MINK1: variants seen among roughly 807,000 people sequenced by gnomAD.
The protein encoded by MINK1 is misshapen-like kinase 1.
In MINK1, 46 loss-of-function variants were observed where a neutral mutation model predicts 178.4. The ratio of observed to expected loss-of-function variants is 0.26; its 90% CI spans 0.20 to 0.33. MINK1 has a LOEUF of 0.33. Ranked by LOEUF, MINK1 falls within the 10% of genes least tolerant of loss-of-function variation. The pLI, the probability that MINK1 is intolerant of heterozygous loss-of-function variation, is 1.00. For synonymous variants in MINK1, 797 were observed against 709.7 expected (o/e 1.12, Z -1.96); for missense variants, 1,366 against 1,814.9 (o/e 0.75, Z 4.49).
chr17:4,893,247 C>T (rs928314341), intron 20 of MINK1, 180 bp downstream of exon 20: 3 of 1,608,746 alleles, frequency 1.9e-6, no homozygotes, highest in Non-Finnish European at 2.5e-6. Context: ...CTCTCCTAAC[C>T]TCTCTTCTGG....
intron 2 of MINK1, among the ~76,000 whole-genome samples, chr17:4,878,606 G>A (rs1967414941): frequency 6.6e-6 from 1 of 152,150 alleles, no homozygotes; most frequent in Non-Finnish European, 1.5e-5. Flanking sequence ...GACATGGTGG[G>A]AACAGGCCAG....
intron 1 of MINK1, among the ~76,000 whole-genome samples, chr17:4,855,762 T>C (rs1597419036): frequency 4.9e-5 from 5 of 102,786 alleles, no homozygotes; most frequent in African/African-American, 1.2e-4. Flanking sequence ...AGAGCAAGAC[T>C]CCGTCTCAAA....
chr17:4,891,773 AG>A, intron 16 of MINK1, 57 bp downstream of exon 16: 1 of 1,523,600 alleles, frequency 6.6e-7, no homozygotes. Flanking sequence ...GAAGAGAAGG[AG>A]GGCAGTGAAG....
chr17:4,895,498 AG>A lies in MINK1; in HGVS notation c.3229+7del. On this transcript the variant is annotated splice_donor_region_variant and intron_variant, in intron 26 of 31. Coordinates refer to ENST00000355280, the MANE Select transcript of MINK1 (RefSeq NM_153827.5). The surrounding 1 kb of genome is among the most constrained non-coding windows in gnomAD (Gnocchi z 4.3). ...ACCTGCTCATCACCATCTCAGGTAC[AG>A]GTGTGGTGAGTGGGGGAGGGAGGAG... The A allele has an allele frequency of 4.5e-6, 7 of 1,568,568 alleles. No individual in the cohort carries two copies. Among genetic ancestry groups the A allele is most frequent in the Non-Finnish European group, 5.2e-6 (6 of 1,154,632 alleles).
Position 4,896,919 on chromosome 17 carries a change from C to T in MINK1, c.3915+106C>T, listed in dbSNP as rs867910367. 35 of 1,425,498 alleles carry T rather than the reference C, an allele frequency of 2.5e-5. No homozygotes were observed. In the Middle Eastern group the frequency reaches 8.8e-4, roughly 36 times the overall value. 88.3% of individuals were successfully genotyped at this position (1,425,498 alleles called of 1,614,324 possible). On this transcript the variant is annotated intron_variant, in intron 31 of 31. Transcript: ENST00000355280. The surrounding 1 kb of genome is among the most constrained non-coding windows in gnomAD (Gnocchi z 4.6). ...GATGGTGGTGGTGGCTTCCTGAAAG[C>T]GGGCCCCTCTGGGAGCTCAGAGGGC...
At chr17:4,889,569 T>C (rs1968559407) in intron 12 of MINK1, 78 bp from the exon 13 acceptor site, 2 of 1,209,214 alleles carry the variant, frequency 1.7e-6, no homozygotes, top group East Asian at 2.5e-5. Context: ...CAAGGAGGGC[T>C]CCCCTCCCTG....
chr17:4,874,279 T>G (rs1225918830), intron 1 of MINK1, among the ~76,000 whole-genome samples: 1 of 152,252 alleles, frequency 6.6e-6, no homozygotes, highest in African/African-American at 2.4e-5. Context: ...GAGATACGAT[T>G]GCCTTACAGG....
intron 1 of MINK1, among the ~76,000 whole-genome samples, chr17:4,848,697 A>G (rs1293497936): frequency 1.3e-5 from 2 of 150,182 alleles, no homozygotes; most frequent in Non-Finnish European, 3.0e-5. Flanking sequence ...GGGTTTTGCC[A>G]TGTTGGCTAG....
chr17:4,892,158 A>G lies in MINK1; in HGVS notation c.2011A>G (p.Arg671Gly). 6.3e-7 allele frequency: 1 copy of G among 1,598,010 alleles called. No homozygotes were observed. The highest frequency in any genetic ancestry group is 2.3e-5 in the East Asian group (1 of 43,940). The change falls in exon 17 of 32, where the codon AGG becomes GGG. Residue 671 changes from arginine (R) to glycine (G), a missense_variant. Coordinates refer to ENST00000355280, the MANE Select transcript of MINK1 (RefSeq NM_153827.5). Reference protein sequence around the residue: ...DNEAPPKVPQRTSSIATALNT... With the variant: ...DNEAPPKVPQGTSSIATALNT... ...GGACTTCTCTCCACAGGTGCCTCAGAGGACCTCATCTATCGCCACTGCCCT... is the reference window on the plus strand; with the variant it reads ...GGACTTCTCTCCACAGGTGCCTCAGGGGACCTCATCTATCGCCACTGCCCT...
intron 1 of MINK1, among the ~76,000 whole-genome samples, chr17:4,871,971 T>G (rs1915909680): frequency 6.6e-6 from 1 of 152,128 alleles, no homozygotes; most frequent in African/African-American, 2.4e-5. Context: ...CTCAGCCTCC[T>G]GAGGGAAATA....
At chr17:4,846,033 C>CAT (rs1910974296) in intron 1 of MINK1, among the ~76,000 whole-genome samples, 1 of 152,190 alleles carries the variant, frequency 6.6e-6, no homozygotes, top group African/African-American at 2.4e-5. Flanking sequence ...TCTCATTGAC[C>CAT]TTCATGGGGA....
Position 4,892,360 on chromosome 17 carries a change from C to T in MINK1, c.2088-42C>T, listed in dbSNP as rs1345314163. The T allele has an allele frequency of 4.9e-6, 7 of 1,417,564 alleles. No individual in the cohort carries two copies. In the Admixed American group the frequency reaches 6.3e-5, roughly 13 times the overall value. 87.8% of individuals were successfully genotyped at this position (1,417,564 alleles called of 1,614,324 possible). A position where few individuals can be genotyped will look rare whatever the true frequency, so the allele number is the denominator to read the frequency against. ...AAGCCCCAGCCCCATCACCTCAGCG[C>T]CCCCCCGCCGCCCCCTCGGCACCCC... On this transcript the variant is annotated intron_variant, in intron 17 of 31. Coordinates refer to ENST00000355280, the MANE Select transcript of MINK1 (RefSeq NM_153827.5).
intron 1 of MINK1, among the ~76,000 whole-genome samples, chr17:4,856,497 A>G (rs1010455848): frequency 1.3e-5 from 2 of 151,716 alleles, no homozygotes; most frequent in African/African-American, 4.8e-5. Context: ...GCTGCCGCAC[A>G]GGGCCTGGCA....
intron 5 of MINK1, 142 bp from the exon 6 acceptor site, chr17:4,884,770 T>C: frequency 1.4e-6 from 1 of 724,002 alleles, no homozygotes; most frequent in Non-Finnish European, 2.3e-6. Flanking sequence ...TCAGCTTGCT[T>C]GGGCTCCTGG....
chr17:4,880,810 G>A (rs899802201), intron 2 of MINK1, among the ~76,000 whole-genome samples, 174 bp from the exon 3 acceptor site: 2 of 151,994 alleles, frequency 1.3e-5, no homozygotes, highest in African/African-American at 2.4e-5. Context: ...TGAGGCAGGA[G>A]AATGGCGTGA....
intron 4 of MINK1, 33 bp downstream of exon 4, chr17:4,881,290 C>G: frequency 6.5e-7 from 1 of 1,533,662 alleles, no homozygotes; most frequent in Non-Finnish European, 8.7e-7. Context: ...CCTTCCCTCC[C>G]CGCAATCCCT....
Position 4,896,742 on chromosome 17 carries a change from G to A in MINK1, c.3844G>A (p.Gly1282Ser). 1 of 1,603,118 alleles carries A rather than the reference G, an allele frequency of 6.2e-7. No individual in the cohort carries two copies. The highest frequency in any genetic ancestry group is 1.1e-5 in the South Asian group (1 of 89,718). The change falls in exon 31 of 32, where the codon GGC becomes AGC. Residue 1282 changes from glycine to serine, a missense_variant. Around this residue, in one of 14 missense-constraint regions of MINK1, gnomAD observed 201 missense variants for 240.7 expected, o/e 0.84. Coordinates refer to ENST00000355280, the MANE Select transcript of MINK1 (RefSeq NM_153827.5). The surrounding 1 kb of genome is among the most constrained non-coding windows in gnomAD (Gnocchi z 4.6). ...KAIEIRSVETGHLDGVFMHKR... is the reference protein window; with the variant it reads ...KAIEIRSVETSHLDGVFMHKR... Reference sequence around the variant, plus strand: ...CATTGAGATCCGCTCTGTGGAGACGGGCCACCTCGACGGGGTCTTCATGCA... The same window carrying A: ...CATTGAGATCCGCTCTGTGGAGACGAGCCACCTCGACGGGGTCTTCATGCA...
At chr17:4,854,038 GTTTA>G (rs1455034874) in intron 1 of MINK1, among the ~76,000 whole-genome samples, 2 of 152,042 alleles carry the variant, frequency 1.3e-5, no homozygotes, top group African/African-American at 4.8e-5. Flanking sequence ...GAAGCAAACG[GTTTA>G]TTTTTTAGGT....
chr17:4,896,997 G>A lies in MINK1; in HGVS notation c.3915+184G>A, dbSNP rs1483907632. 2.0e-6 allele frequency: 2 copies of A among 986,722 alleles called. No homozygotes were observed. Among genetic ancestry groups the A allele is most frequent in the African/African-American group, 1.7e-5 (1 of 60,458 alleles). 61.1% of individuals were successfully genotyped at this position (986,722 alleles called of 1,614,324 possible). A position where few individuals can be genotyped will look rare whatever the true frequency, so the allele number is the denominator to read the frequency against. Reference sequence around the variant, plus strand: ...CCCTTCAGATTCCGAGGACTTCCCAGCTGGCCCCCAGGGGGCGAGTGGTGC... The same window carrying A: ...CCCTTCAGATTCCGAGGACTTCCCAACTGGCCCCCAGGGGGCGAGTGGTGC... On this transcript the variant is annotated intron_variant, in intron 31 of 31. Coordinates refer to ENST00000355280, the MANE Select transcript of MINK1 (RefSeq NM_153827.5). This position sits in a 1 kb window ranked among gnomAD's most constrained non-coding sequence, Gnocchi z 4.6.
Sources: gnomAD v4.1 joint callset for allele counts (sites outside exome capture counted in the v4.1 genomes callset) on GRCh38, gnomAD v4.1.1 for gene constraint, gnomAD v4.1.1 regional missense constraint, Gnocchi (gnomAD v3.1) non-coding constraint, MANE v1.5 for transcripts, NCBI Gene and HGNC (gene_info 2026-07-23, HGNC 2026-07-21) for gene names.